CACNA1I: variants seen among roughly 807,000 people sequenced by gnomAD.
The protein encoded by CACNA1I is voltage-dependent T-type calcium channel subunit alpha-1I.
In CACNA1I, 74 loss-of-function variants were observed where a neutral mutation model predicts 201.6. That is an observed-to-expected ratio of 0.37 (90% CI 0.30 to 0.45). CACNA1I has a LOEUF of 0.45. Among genes scored for constraint, CACNA1I ranks in the 20% least tolerant of loss-of-function variants. The probability of loss-of-function intolerance (pLI) is 1.00; values close to 1 mark genes in which losing one functional copy is unlikely to be tolerated. For synonymous variants in CACNA1I, 1,431 were observed against 1,345.2 expected (o/e 1.06, Z -1.40); for missense variants, 2,346 against 3,138.1 (o/e 0.75, Z 6.03).
chr22:39,615,753 T>C (rs1223585502), intron 3 of CACNA1I, among the ~76,000 whole-genome samples: 1 of 152,192 alleles, frequency 6.6e-6, no homozygotes, highest in African/African-American at 2.4e-5. Flanking sequence ...TATGCTCTTA[T>C]TCCCCCAGGC....
At chr22:39,680,189 CTGTGACA>C (rs1310052412) in intron 33 of CACNA1I, among the ~76,000 whole-genome samples, 1 of 152,178 alleles carries the variant, frequency 6.6e-6, no homozygotes, top group Non-Finnish European at 1.5e-5. Flanking sequence ...CTTGCCCTTT[CTGTGACA>C]TGAGGGGTCA....
intron 31 of CACNA1I, among the ~76,000 whole-genome samples, chr22:39,678,413 G>T (rs561607316): frequency 6.6e-6 from 1 of 152,338 alleles, no homozygotes; most frequent in East Asian, 1.9e-4. Flanking sequence ...GAAGGCCAGG[G>T]CCAGGCCCCC....
chr22:39,678,496 G>T (rs1195486138), intron 31 of CACNA1I, among the ~76,000 whole-genome samples: 2 of 152,194 alleles, frequency 1.3e-5, no homozygotes, highest in Admixed American at 1.3e-4. Flanking sequence ...GCTGGGCTGG[G>T]AAGGGCAGGG....
At chr22:39,593,608 C>T (rs937220475) in intron 1 of CACNA1I, among the ~76,000 whole-genome samples, 2 of 152,076 alleles carry the variant, frequency 1.3e-5, no homozygotes, top group Non-Finnish European at 2.9e-5. Context: ...TTCACTGAGG[C>T]GAGAGTCTAC....
chr22:39,660,432 G>C lies in CACNA1I; in HGVS notation c.2693G>C (p.Ser898Thr). The C allele has an allele frequency of 6.2e-7, 1 of 1,610,626 alleles. No homozygotes were observed. The change falls in exon 15 of 37, where the codon AGC (serine) becomes ACC (threonine). Residue 898 changes from serine to threonine, a missense_variant. By Grantham distance (58) the Ser-to-Thr change is moderately conservative (BLOSUM62 1). Around this residue, in one of 13 missense-constraint regions of CACNA1I, gnomAD observed 92 missense variants for 114.5 expected, o/e 0.80. Coordinates refer to ENST00000402142, the MANE Select transcript of CACNA1I (RefSeq NM_021096.4). ...AAGCTCCAGGAAGGCCTGGACAGCA[G>C]CGGAGGTAAACAGGCCCTCGCTTGT... The part of the protein sequence containing the change: ...FDKLQEGLDS[S>T]GDPKLCPIPM...
In CACNA1I at chr22:39,677,697, C is replaced by T. The variant is rs946432226; in HGVS notation, c.4933+278C>T. ...GCGCTCGCTGAGCTCCGCCCTGCAC[C>T]GGGATGGCTCCAGAAAGCAGGGTTC... On this transcript the variant is annotated intron_variant, in intron 30 of 36. Transcript: ENST00000402142. This position sits in a 1 kb window ranked among gnomAD's most constrained non-coding sequence, Gnocchi z 4.8. 2.6e-5 allele frequency among the ~76,000 whole-genome samples: 4 copies of T among 152,232 alleles called. No homozygotes were observed. Among genetic ancestry groups the T allele is most frequent in the African/African-American group, 4.8e-5 (2 of 41,464 alleles).
rs1206573839 is a variant in CACNA1I at position 39,659,303 on chromosome 22, T to G, written c.2331-130T>G. 1 of 929,032 alleles carries G rather than the reference T, an allele frequency of 1.1e-6. No homozygotes were observed. The highest frequency in any genetic ancestry group is 1.7e-6 in the Non-Finnish European group (1 of 603,670). The allele number at this position is 929,032 out of a possible 1,614,324, so 57.5% of individuals were successfully genotyped here. ...ACCCCTAAGCCTCAGTGTTCATCTCTGTAAAATGGGACCAACGCTGCCCCG... is the reference window on the plus strand; with the variant it reads ...ACCCCTAAGCCTCAGTGTTCATCTCGGTAAAATGGGACCAACGCTGCCCCG... On this transcript the variant is annotated intron_variant, in intron 12 of 36. Transcript: ENST00000402142. The surrounding 1 kb of genome is among the most constrained non-coding windows in gnomAD (Gnocchi z 4.3).
intron 6 of CACNA1I, among the ~76,000 whole-genome samples, chr22:39,641,524 A>T (rs1934350664): frequency 6.6e-6 from 1 of 152,148 alleles, no homozygotes; most frequent in Non-Finnish European, 1.5e-5. Flanking sequence ...GAGAGGCAGG[A>T]TTCAAGCTCT....
At chr22:39,668,743 A>C (rs1208609138) in intron 24 of CACNA1I, among the ~76,000 whole-genome samples, 1 of 152,056 alleles carries the variant, frequency 6.6e-6, no homozygotes, top group African/African-American at 2.4e-5. Flanking sequence ...TGATGTGTTT[A>C]GGGAATTGGG....
chr22:39,641,061 C>A lies in CACNA1I; in HGVS notation c.935C>A (p.Ala312Asp), dbSNP rs1934340292. 2 of 1,614,038 alleles carry A rather than the reference C, an allele frequency of 1.2e-6. No homozygotes were observed. Among genetic ancestry groups the A allele is most frequent in the Admixed American group, 3.3e-5 (2 of 60,036 alleles). ...GGGGCGGGGCGCCAGGACCTCAATG[C>A]CAGCGGCCTCTGTGTCAACTGGAAC... ...DFGAGRQDLNASGLCVNWNRY... is the reference protein window; with the variant it reads ...DFGAGRQDLNDSGLCVNWNRY... Residue 312 changes from alanine to aspartate, a missense_variant, in exon 6 of 37, where the codon GCC becomes GAC. Physicochemically the swap from Ala to Asp is moderately radical, Grantham distance 126. This residue lies in a region of CACNA1I where 227 missense variants were observed against 412.5 expected (regional missense o/e 0.55). Transcript: ENST00000402142.
chr22:39,626,000 C>T (rs764962121), intron 4 of CACNA1I, among the ~76,000 whole-genome samples: 2 of 152,246 alleles, frequency 1.3e-5, no homozygotes, highest in Non-Finnish European at 2.9e-5. Context: ...CCGACCCAGG[C>T]TGTGGCGCAG....
Position 39,687,377 on chromosome 22 carries a change from G to C in CACNA1I, c.*972G>C, listed in dbSNP as rs1935918728. The C allele has an allele frequency of 6.6e-6, 1 of 152,268 alleles. No homozygotes were observed. Among genetic ancestry groups the C allele is most frequent in the Non-Finnish European group, 1.5e-5 (1 of 68,134 alleles). The allele number at this position is 152,268 out of a possible 1,614,324, so 9.4% of individuals were successfully genotyped here. Reference sequence around the variant, plus strand: ...GGTCTCGGCTGGCTCCAGCTGCCCTGCAGGTGCCCCTGGGCTCAGGTAGTT... The same window carrying C: ...GGTCTCGGCTGGCTCCAGCTGCCCTCCAGGTGCCCCTGGGCTCAGGTAGTT... On this transcript the variant is annotated 3_prime_UTR_variant, in exon 37 of 37. Coordinates refer to ENST00000402142, the MANE Select transcript of CACNA1I (RefSeq NM_021096.4).
rs907357505 is a variant in CACNA1I at position 39,684,909 on chromosome 22, G to A, written c.6027+411G>A. The A allele has an allele frequency of 8.0e-6, 3 of 375,146 alleles. No homozygotes were observed. Among genetic ancestry groups the A allele is most frequent in the African/African-American group, 2.0e-5 (1 of 49,332 alleles). The allele number at this position is 375,146 out of a possible 1,614,324, so 23.2% of individuals were successfully genotyped here. A position where few individuals can be genotyped will look rare whatever the true frequency, so the allele number is the denominator to read the frequency against. On this transcript the variant is annotated intron_variant, in intron 36 of 36. Transcript: ENST00000402142. The surrounding 1 kb of genome is among the most constrained non-coding windows in gnomAD (Gnocchi z 4.6). ...TTACTAGGAATGGAGGTGGGAGGGC[G>A]GGTCTGGTGGATGAGAAGCCTCGGG...
intron 3 of CACNA1I, 90 bp from the exon 4 acceptor site, chr22:39,619,220 G>A (rs1933653306): frequency 8.5e-6 from 8 of 943,874 alleles, no homozygotes; most frequent in Non-Finnish European, 1.4e-5. Flanking sequence ...CCAGGCAGTA[G>A]TGCGCAGGTG....
At position 39,646,893 on chromosome 22, in the gene CACNA1I, T is replaced by C. The variant is rs1377773190; in HGVS notation, c.1462+12T>C. 2.0e-6 allele frequency: 3 copies of C among 1,475,722 alleles called. No individual in the cohort carries two copies. The highest frequency in any genetic ancestry group is 2.7e-6 in the Non-Finnish European group (3 of 1,115,672). 91.4% of individuals were successfully genotyped at this position (1,475,722 alleles called of 1,614,324 possible). A position where few individuals can be genotyped will look rare whatever the true frequency, so the allele number is the denominator to read the frequency against. The stretch of plus-strand genomic sequence containing the variant: ...GCCCCGGCACTACCGTAAGTGGCCC[T>C]GCATCCGACGCGGCACTCAGGCACT... On this transcript the variant is annotated intron_variant, in intron 8 of 36. Transcript: ENST00000402142.
chr22:39,645,431 A>G (rs1403329270), intron 7 of CACNA1I, among the ~76,000 whole-genome samples: 8 of 152,164 alleles, frequency 5.3e-5, no homozygotes, highest in African/African-American at 1.7e-4. Context: ...GGAGCCTGAC[A>G]AGCGTGTGGT....
chr22:39,669,888 T>TA, intron 24 of CACNA1I, 150 bp from the exon 25 acceptor site: 1 of 821,414 alleles, frequency 1.2e-6, no homozygotes, highest in African/African-American at 1.7e-5. Context: ...ATTTACTTCT[T>TA]ACCTGCTGCC....
rs376662144 is a variant in CACNA1I, at chr22:39,684,536, G to A, written c.6027+38G>A. ...CCCAGGCCCTAGAGCACTGGTCTGT[G>A]GGCAAGGGGCAGGATCTAAGCCAGG... On this transcript the variant is annotated intron_variant, in intron 36 of 36. Transcript: ENST00000402142. The surrounding 1 kb of genome is among the most constrained non-coding windows in gnomAD (Gnocchi z 4.6). 21 of 1,591,088 alleles carry A rather than the reference G, an allele frequency of 1.3e-5. 1 individual carries two copies. In the African/African-American group the frequency reaches 2.6e-4, roughly 19 times the overall value.
intron 1 of CACNA1I, among the ~76,000 whole-genome samples, chr22:39,575,040 G>C (rs1051554266): frequency 1.3e-5 from 2 of 152,270 alleles, no homozygotes; most frequent in Non-Finnish European, 2.9e-5. Context: ...CCTGCAAGGT[G>C]GGGTGGGAAA....
Sources: allele counts gnomAD v4.1 joint callset (sites outside exome capture counted in the v4.1 genomes callset), GRCh38; gene constraint gnomAD v4.1.1; regional missense constraint gnomAD v4.1.1; non-coding constraint Gnocchi (gnomAD v3.1); transcripts MANE v1.5; gene names NCBI Gene and HGNC (gene_info 2026-07-23, HGNC 2026-07-21).